Variants in CACNA1E observed in about 807,000 individuals in gnomAD.
CACNA1E encodes calcium voltage-gated channel subunit alpha1 E.
In CACNA1E, 40 loss-of-function variants were observed where a neutral mutation model predicts 259.2. The ratio of observed to expected loss-of-function variants is 0.15; its 90% CI spans 0.12 to 0.20. The LOEUF (loss-of-function observed/expected upper bound fraction) is 0.20, where lower values mean the gene tolerates loss of function less well. Ranked by LOEUF, CACNA1E falls within the 10% of genes least tolerant of loss-of-function variation. CACNA1E has a pLI of 1.00. For synonymous variants in CACNA1E, 1,104 were observed against 1,138.5 expected (o/e 0.97, Z 0.61); for missense variants, 1,874 against 3,040.1 (o/e 0.62, Z 9.02).
chr1:181,749,075 T>A (rs1049154258), intron 25 of CACNA1E, among the ~76,000 whole-genome samples: 2 of 152,258 alleles, frequency 1.3e-5, no homozygotes. Context: ...ATTTGGCATT[T>A]ATAGTGAAAA....
Position 181,772,026 on chromosome 1 carries a change from C to T in CACNA1E, c.4974-40C>T, listed in dbSNP as rs1232967184. On this transcript the variant is annotated intron_variant, in intron 36 of 47. Coordinates refer to ENST00000367573, the MANE Select transcript of CACNA1E (RefSeq NM_001205293.3). Reference sequence around the variant, plus strand: ...AGGACCAAGAATATGATAGGATCTGCAGAGCTGCTCCTGCTAACCAAAATG... The same window carrying T: ...AGGACCAAGAATATGATAGGATCTGTAGAGCTGCTCCTGCTAACCAAAATG... 2.5e-6 allele frequency: 4 copies of T among 1,593,812 alleles called. No individual in the cohort carries two copies. In the Admixed American group the frequency reaches 6.7e-5, roughly 27 times the overall value.
chr1:181,501,222 T>C (rs926411781), intron 1 of CACNA1E, among the ~76,000 whole-genome samples: 7 of 152,126 alleles, frequency 4.6e-5, no homozygotes, highest in Non-Finnish European at 1.0e-4. Context: ...GCAAAACAAA[T>C]GAATTTGTTA....
Position 181,784,642 on chromosome 1 carries a change from G to A in CACNA1E, c.5471-19G>A, listed in dbSNP as rs769633593. The A allele has an allele frequency of 2.0e-6, 3 of 1,504,380 alleles. No homozygotes were observed. In the South Asian group the frequency reaches 3.6e-5, roughly 18 times the overall value. The allele number at this position is 1,504,380 out of a possible 1,614,324, so 93.2% of individuals were successfully genotyped here. Reference sequence around the variant, plus strand: ...ATTTCTGGGTCTATTCTATTTATTAGTAATTTATCTTATTCTAGGTGGTGC... The same window carrying A: ...ATTTCTGGGTCTATTCTATTTATTAATAATTTATCTTATTCTAGGTGGTGC... On this transcript the variant is annotated intron_variant, in intron 40 of 47. Coordinates refer to ENST00000367573, the MANE Select transcript of CACNA1E (RefSeq NM_001205293.3).
chr1:181,359,409 G>A (rs1653695599), intron 1 of CACNA1E, among the ~76,000 whole-genome samples: 1 of 152,090 alleles, frequency 6.6e-6, no homozygotes, highest in Admixed American at 6.6e-5. Flanking sequence ...AGGTGAGAAG[G>A]CAGAAAAAAA....
intron 6 of CACNA1E, among the ~76,000 whole-genome samples, chr1:181,639,089 T>A (rs559333985): frequency 2.6e-5 from 4 of 151,582 alleles, no homozygotes; most frequent in Non-Finnish European, 5.9e-5. Flanking sequence ...GTAGAGTAGA[T>A]GCCTTTTTTT....
chr1:181,599,631 C>T (rs1028694927), intron 6 of CACNA1E, among the ~76,000 whole-genome samples: 1 of 152,158 alleles, frequency 6.6e-6, no homozygotes, highest in African/African-American at 2.4e-5. Context: ...GCAGGGATGT[C>T]TACTATTTCA....
At chr1:181,762,510 T>G in intron 32 of CACNA1E, 64 bp from the exon 33 acceptor site, 2 of 917,910 alleles carry the variant, frequency 2.2e-6, no homozygotes, top group African/African-American at 1.7e-5. Flanking sequence ...TAATGAAAGA[T>G]GTCTTTTCTC....
intron 1 of CACNA1E, among the ~76,000 whole-genome samples, chr1:181,365,763 G>T (rs1407479909): frequency 6.6e-6 from 1 of 152,218 alleles, no homozygotes; most frequent in East Asian, 1.9e-4. Flanking sequence ...CCATGGACCT[G>T]CTCTGGTGTC....
intron 1 of CACNA1E, among the ~76,000 whole-genome samples, chr1:181,502,576 C>T (rs2102572843): frequency 6.6e-6 from 1 of 152,356 alleles, no homozygotes; most frequent in East Asian, 1.9e-4. Context: ...GCCCTCTTGG[C>T]TCTCCATCTT....
At position 181,651,325 on chromosome 1, in the gene CACNA1E, T is replaced by C. The variant is rs763200598; in HGVS notation, c.952-13T>C. 18 of 1,571,176 alleles carry C rather than the reference T, an allele frequency of 1.1e-5. No homozygotes were observed. The Admixed American group carries it at 2.2e-4, about 19-fold the overall frequency. On this transcript the variant is annotated splice_polypyrimidine_tract_variant and intron_variant, in intron 6 of 47. Transcript: ENST00000367573. ...GGCTTTAAGTATTAAGGAACCATTT[T>C]TCTTTCTTTCAGACCAATGATGCCT...
intron 36 of CACNA1E, among the ~76,000 whole-genome samples, chr1:181,771,804 G>T (rs1659543545): frequency 6.6e-6 from 1 of 152,164 alleles, no homozygotes; most frequent in African/African-American, 2.4e-5. Context: ...CCAGGTTTAT[G>T]CTGGGTCTTA....
intron 7 of CACNA1E, among the ~76,000 whole-genome samples, chr1:181,692,027 A>C (rs916554105): frequency 2.0e-5 from 3 of 152,178 alleles, no homozygotes; most frequent in African/African-American, 7.2e-5. Context: ...AGTAGTGTTC[A>C]AACTGAGAGC....
intron 3 of CACNA1E, among the ~76,000 whole-genome samples, chr1:181,573,589 C>T (rs554958394): frequency 6.6e-6 from 1 of 152,168 alleles, no homozygotes; most frequent in Non-Finnish European, 1.5e-5. Context: ...AAGAATATTA[C>T]CATCTCAACA....
intron 3 of CACNA1E, among the ~76,000 whole-genome samples, chr1:181,528,874 T>C (rs1667558679): frequency 2.6e-5 from 4 of 152,178 alleles, no homozygotes; most frequent in Admixed American, 2.6e-4. Flanking sequence ...GCATAAAAGT[T>C]CAGAAAATTG....
intron 38 of CACNA1E, among the ~76,000 whole-genome samples, chr1:181,778,473 C>CTGAA (rs748470959): frequency 1.6e-4 from 24 of 152,182 alleles, no homozygotes; most frequent in Non-Finnish European, 2.9e-4. Context: ...CAAGCAAGGA[C>CTGAA]TGAATGCACA....
intron 7 of CACNA1E, among the ~76,000 whole-genome samples, chr1:181,703,083 C>T (rs1178587314): frequency 1.3e-5 from 2 of 152,140 alleles, no homozygotes; most frequent in African/African-American, 4.8e-5. Flanking sequence ...CAGGTGCATA[C>T]CAGCATGCCC....
At chr1:181,709,326 T>C (rs1347838627) in intron 7 of CACNA1E, among the ~76,000 whole-genome samples, 1 of 152,194 alleles carries the variant, frequency 6.6e-6, no homozygotes, top group Non-Finnish European at 1.5e-5. Context: ...ATAGCACCTT[T>C]AGTAGAACCC....
chr1:181,779,819 T>TAC (rs56301632), intron 38 of CACNA1E, among the ~76,000 whole-genome samples: 17,307 of 148,306 alleles, frequency 0.12, 1,048 homozygotes, highest in Middle Eastern at 0.16. Flanking sequence ...TATGCACATG[T>TAC]ACACACACAC....
intron 6 of CACNA1E, among the ~76,000 whole-genome samples, chr1:181,620,215 T>C (rs976861314): frequency 1.3e-5 from 2 of 152,028 alleles, no homozygotes; most frequent in Admixed American, 6.6e-5. Context: ...ACTCTACAGG[T>C]GAGCTGGTGA....
Sources: allele counts gnomAD v4.1 joint callset (sites outside exome capture counted in the v4.1 genomes callset), GRCh38; gene constraint gnomAD v4.1.1; transcripts MANE v1.5; gene names NCBI Gene and HGNC (gene_info 2026-07-23, HGNC 2026-07-21).